The following PRKG1 variants were observed in gnomAD, a reference collection of about 807,000 sequenced individuals.
The protein encoded by PRKG1 is cGMP-dependent protein kinase 1.
In PRKG1, 35 loss-of-function variants were observed where a neutral mutation model predicts 88.1. The observed-to-expected ratio is 0.40, with a 90% confidence interval of 0.30 to 0.53. PRKG1 has a LOEUF of 0.53. Ranked by LOEUF, PRKG1 falls within the 20% of genes least tolerant of loss-of-function variation. The pLI is 0.59. For synonymous variants in PRKG1, 303 were observed against 292.5 expected (o/e 1.04, Z -0.37); for missense variants, 540 against 839.8 (o/e 0.64, Z 4.41).
chr10:51,232,673 A>G (rs1158186499), intron 2 of PRKG1, among the ~76,000 whole-genome samples: 3 of 152,192 alleles, frequency 2.0e-5, no homozygotes, highest in Non-Finnish European at 4.4e-5. Flanking sequence ...TTCTTGACAA[A>G]AGGATCAAAT....
intron 2 of PRKG1, among the ~76,000 whole-genome samples, chr10:51,275,499 A>C (rs1239595844): frequency 6.6e-6 from 1 of 152,148 alleles, no homozygotes; most frequent in Non-Finnish European, 1.5e-5. Context: ...GTGCAAAGGG[A>C]GTGCGTTTAA....
At chr10:51,181,990 T>G (rs1298790360) in intron 2 of PRKG1, among the ~76,000 whole-genome samples, 3 of 152,264 alleles carry the variant, frequency 2.0e-5, no homozygotes, top group African/African-American at 4.8e-5. Flanking sequence ...CAACATTTTT[T>G]GGGAAGTGTT....
intron 5 of PRKG1, among the ~76,000 whole-genome samples, chr10:51,973,057 T>C (rs1843747477): frequency 6.6e-6 from 1 of 152,242 alleles, no homozygotes; most frequent in Non-Finnish European, 1.5e-5. Context: ...AGCGGCACTT[T>C]GGAGCAACAG....
intron 1 of PRKG1, among the ~76,000 whole-genome samples, chr10:51,132,462 A>G (rs1845588758): frequency 6.6e-6 from 1 of 152,138 alleles, no homozygotes; most frequent in Non-Finnish European, 1.5e-5. Flanking sequence ...TACATGTTAC[A>G]AATGTCATCA....
At chr10:52,135,414 G>A (rs772335517) in intron 8 of PRKG1, among the ~76,000 whole-genome samples, 3 of 152,010 alleles carry the variant, frequency 2.0e-5, no homozygotes, top group Non-Finnish European at 4.4e-5. Context: ...ATTTTATGCA[G>A]CAAAAAGTTA....
chr10:51,721,686 T>C (rs1230509481), intron 3 of PRKG1, among the ~76,000 whole-genome samples: 2 of 152,226 alleles, frequency 1.3e-5, no homozygotes, highest in African/African-American at 4.8e-5. Flanking sequence ...AATATTTTAA[T>C]CTGCTGTGTA....
chr10:52,244,765 T>C (rs1327184550), intron 9 of PRKG1, among the ~76,000 whole-genome samples: 2 of 144,058 alleles, frequency 1.4e-5, no homozygotes, highest in African/African-American at 5.0e-5. Flanking sequence ...TTAAGATATA[T>C]TTAAATATAT....
At chr10:51,699,556 G>C (rs768248166) in intron 3 of PRKG1, 9 of 1,603,814 alleles carry the variant, frequency 5.6e-6, no homozygotes, top group Non-Finnish European at 6.8e-6. Context: ...ACATGATTCC[G>C]GTTGTGCAGA....
intron 5 of PRKG1, among the ~76,000 whole-genome samples, chr10:51,965,666 G>A (rs747331332): frequency 1.3e-5 from 2 of 152,154 alleles, no homozygotes; most frequent in Non-Finnish European, 2.9e-5. Flanking sequence ...ACAAAGCATA[G>A]TTTGAAGGGA....
intron 2 of PRKG1, among the ~76,000 whole-genome samples, chr10:51,334,564 A>C (rs1841825881): frequency 6.6e-6 from 1 of 152,208 alleles, no homozygotes; most frequent in South Asian, 2.1e-4. Flanking sequence ...CAAGCAATCT[A>C]ATCCTTTGTT....
chr10:51,817,005 G>A (rs1308662981), intron 4 of PRKG1, among the ~76,000 whole-genome samples: 2 of 152,024 alleles, frequency 1.3e-5, no homozygotes, highest in Non-Finnish European at 2.9e-5. Flanking sequence ...CAGGAACACA[G>A]CCAAGAAAGC....
chr10:51,992,421 G>A (rs1844336483), intron 5 of PRKG1, among the ~76,000 whole-genome samples: 2 of 152,060 alleles, frequency 1.3e-5, no homozygotes. Flanking sequence ...ATGGAAGAGG[G>A]AGGGATTATT....
chr10:51,884,792 A>G (rs908724644), intron 4 of PRKG1, among the ~76,000 whole-genome samples: 16 of 152,134 alleles, frequency 1.1e-4, no homozygotes, highest in Admixed American at 8.5e-4. Context: ...AGGCCTTTTT[A>G]TGTCTTATAC....
At chr10:51,889,056 C>G (rs1274017552) in intron 4 of PRKG1, among the ~76,000 whole-genome samples, 1 of 88,922 alleles carries the variant, frequency 1.1e-5, no homozygotes, top group Non-Finnish European at 2.2e-5. Flanking sequence ...ACTTAACACA[C>G]ATTCTTTTTT....
intron 4 of PRKG1, among the ~76,000 whole-genome samples, chr10:51,843,119 G>C (rs1488843676): frequency 1.1e-5 from 1 of 94,958 alleles, no homozygotes; most frequent in Admixed American, 1.2e-4. Flanking sequence ...TTTTTTTTGA[G>C]ACGGAGTCTT....
At position 51,138,675 on chromosome 10, in the gene PRKG1, GTT is replaced by G. The variant is rs71459405; in HGVS notation, c.312-14464_312-14463del. On this transcript the variant is annotated intron_variant, in intron 1 of 17. Transcript: ENST00000373980. ...CCAGTCTTTTTGGACATTGAGTTTT[GTT>G]TTTTTTTTTTTTTTTTTTTTTTTTG... Among the ~76,000 whole-genome samples the G allele has an allele frequency of 5.0e-3, 344 of 68,530 alleles. 2 individuals carry two copies. Among genetic ancestry groups the G allele is most frequent in the African/African-American group, 0.016 (284 of 17,668 alleles). 45.0% of individuals were successfully genotyped at this position (68,530 alleles called of 152,430 possible). A position where few individuals can be genotyped will look rare whatever the true frequency, so the allele number is the denominator to read the frequency against.
At chr10:51,426,033 T>C (rs866429442) in intron 2 of PRKG1, among the ~76,000 whole-genome samples, 1 of 152,168 alleles carries the variant, frequency 6.6e-6, no homozygotes, top group African/African-American at 2.4e-5. Context: ...CCCAGCACTT[T>C]GGGAGGCCGA....
At chr10:51,496,013 T>C (rs1367748786) in intron 3 of PRKG1, among the ~76,000 whole-genome samples, 1 of 152,200 alleles carries the variant, frequency 6.6e-6, no homozygotes, top group African/African-American at 2.4e-5. Context: ...TACCTTAGAT[T>C]TTTTTAACCA....
At chr10:51,536,951 G>T (rs1364687998) in intron 3 of PRKG1, among the ~76,000 whole-genome samples, 1 of 151,954 alleles carries the variant, frequency 6.6e-6, no homozygotes, top group Non-Finnish European at 1.5e-5. Flanking sequence ...ATTTCCAATT[G>T]TACTTCCTAT....
Sources: allele counts gnomAD v4.1 joint callset (sites outside exome capture counted in the v4.1 genomes callset), GRCh38; gene constraint gnomAD v4.1.1; transcripts MANE v1.5; gene names NCBI Gene and HGNC (gene_info 2026-07-23, HGNC 2026-07-21).